The following ZNF791 variants were observed in gnomAD, a reference collection of about 807,000 sequenced individuals.
The protein encoded by ZNF791 is zinc finger protein 791.
Under a neutral mutation model 11.5 loss-of-function variants are expected in ZNF791, and 4 were observed. That is an observed-to-expected ratio of 0.35 (90% CI 0.17 to 0.80). The LOEUF is 0.80. ZNF791 is among the 30% of genes least tolerant of loss of function. ZNF791 has a pLI of 0.53. For missense variants in ZNF791, 559 were observed against 699.4 expected (o/e 0.80, Z 2.26); for synonymous variants, 212 against 228.1 (o/e 0.93, Z 0.64).
At chr19:12,622,381 A>T (rs1350461822) in intron 1 of ZNF791, among the ~76,000 whole-genome samples, 2 of 127,910 alleles carry the variant, frequency 1.6e-5, no homozygotes, top group East Asian at 2.0e-4. Flanking sequence ...TAATAAATAA[A>T]AAAAATAATA....
In ZNF791 at chr19:12,633,221, T is replaced by G. The variant is rs1387432323; in HGVS notation, c.*3961T>G. ...CATATATTCTTATGCGAATTATTAT[T>G]TTCGCCTTTTTTTTATAATTCTGTC... On this transcript the variant is annotated 3_prime_UTR_variant, in exon 4 of 4. Coordinates refer to ENST00000343325, the MANE Select transcript of ZNF791 (RefSeq NM_153358.3). The G allele has an allele frequency of 6.6e-6, 1 of 151,730 alleles. No homozygotes were observed. Among genetic ancestry groups the G allele is most frequent in the African/African-American group, 2.4e-5 (1 of 41,392 alleles). The allele number at this position is 151,730 out of a possible 1,614,324, so 9.4% of individuals were successfully genotyped here. A position where few individuals can be genotyped will look rare whatever the true frequency, so the allele number is the denominator to read the frequency against.
At position 12,629,863 on chromosome 19, in the gene ZNF791, A is replaced by C. The variant is rs1453035699; in HGVS notation, c.*603A>C. On this transcript the variant is annotated 3_prime_UTR_variant, in exon 4 of 4. Coordinates refer to ENST00000343325, the MANE Select transcript of ZNF791 (RefSeq NM_153358.3). ...GGCCAACAGAGCGAGACTCTGTCTCAAAAAAAAAAAAAAAAAAAAAGTACA... is the reference window on the plus strand; with the variant it reads ...GGCCAACAGAGCGAGACTCTGTCTCCAAAAAAAAAAAAAAAAAAAAGTACA... 8.2e-6 allele frequency: 1 copy of C among 122,662 alleles called. No homozygotes were observed. Among genetic ancestry groups the C allele is most frequent in the African/African-American group, 3.3e-5 (1 of 30,162 alleles). The allele number at this position is 122,662 out of a possible 1,614,324, so 7.6% of individuals were successfully genotyped here.
At chr19:12,613,553 C>T (rs1463956317) in intron 1 of ZNF791, among the ~76,000 whole-genome samples, 1 of 151,914 alleles carries the variant, frequency 6.6e-6, no homozygotes, top group East Asian at 1.9e-4. Flanking sequence ...TGCACTCCAG[C>T]GTGGGTGACA....
chr19:12,628,828 C>G lies in ZNF791; in HGVS notation c.1299C>G (p.Thr433=). 1 of 1,613,708 alleles carries G rather than the reference C, an allele frequency of 6.2e-7. No individual in the cohort carries two copies. Among genetic ancestry groups the G allele is most frequent in the Non-Finnish European group, 8.5e-7 (1 of 1,179,934 alleles). Residue 433 remains threonine, a synonymous_variant, in exon 4 of 4, where the codon ACC becomes ACG. Coordinates refer to ENST00000343325, the MANE Select transcript of ZNF791 (RefSeq NM_153358.3). ...AGAACTTTCGAAGACACATGATCAC[C>G]CACACTGGAGACGGACCTTATAAAT... The part of the protein sequence containing the change: ...SLENFRRHMI[T]HTGDGPYKCR...
Position 12,615,012 on chromosome 19 carries a change from C to CTTTTT in ZNF791, c.3+3951_3+3955dup, listed in dbSNP as rs1180146927. Among the ~76,000 whole-genome samples the CTTTTT allele has an allele frequency of 1.3e-3, 67 of 49,882 alleles. 10 individuals are homozygous for CTTTTT. The highest frequency in any genetic ancestry group is 4.3e-3 in the African/African-American group (45 of 10,560). 32.7% of individuals were successfully genotyped at this position (49,882 alleles called of 152,430 possible). A position where few individuals can be genotyped will look rare whatever the true frequency, so the allele number is the denominator to read the frequency against. ...TCCCACCTTAGTCTCCTATGTTCAA[C>CTTTTT]TTTTTTTTTTTTTTTTTTTTTTTTT... On this transcript the variant is annotated intron_variant, in intron 1 of 3. Coordinates refer to ENST00000343325, the MANE Select transcript of ZNF791 (RefSeq NM_153358.3).
intron 1 of ZNF791, chr19:12,612,202 T>G: frequency 6.0e-6 from 5 of 840,258 alleles, no homozygotes; most frequent in Non-Finnish European, 7.2e-6. Flanking sequence ...GACATTATTA[T>G]TTTCTTTTTT....
chr19:12,617,539 A>C lies in ZNF791; in HGVS notation c.4-6161A>C, dbSNP rs2023263194. On this transcript the variant is annotated intron_variant, in intron 1 of 3. Transcript: ENST00000343325. Reference sequence around the variant, plus strand: ...TTCTGTTACTGATTTCTAGATTAATACCATGGTGGTCTGAGAGCATATTTT... The same window carrying C: ...TTCTGTTACTGATTTCTAGATTAATCCCATGGTGGTCTGAGAGCATATTTT... Among the ~76,000 whole-genome samples, 3 of 152,060 alleles carry C rather than the reference A, an allele frequency of 2.0e-5. No homozygotes were observed. In the South Asian group the frequency reaches 6.2e-4, roughly 32 times the overall value.
intron 3 of ZNF791, among the ~76,000 whole-genome samples, chr19:12,627,172 C>G (rs2023442162): frequency 6.7e-6 from 1 of 149,984 alleles, no homozygotes; most frequent in South Asian, 2.1e-4. Context: ...CAGAGTGAGA[C>G]TCTGTCTCAA....
intron 1 of ZNF791, among the ~76,000 whole-genome samples, chr19:12,620,792 G>A (rs1040144455): frequency 8.9e-6 from 1 of 112,256 alleles, no homozygotes; most frequent in Admixed American, 1.2e-4. Context: ...ATAGAGTCTC[G>A]CTCTGTTGCC....
chr19:12,614,004 T>TC (rs2145177581), intron 1 of ZNF791, among the ~76,000 whole-genome samples: 1 of 152,312 alleles, frequency 6.6e-6, no homozygotes, highest in African/African-American at 2.4e-5. Context: ...GGTCAGGACT[T>TC]ATGTTTCCTA....
At chr19:12,614,899 T>TTTTTG (rs2023220095) in intron 1 of ZNF791, among the ~76,000 whole-genome samples, 1 of 111,532 alleles carries the variant, frequency 9.0e-6, no homozygotes, top group Non-Finnish European at 1.7e-5. Flanking sequence ...GGCCTTTTTT[T>TTTTTG]TTTTTTTTTT....
chr19:12,616,077 T>C (rs1366727016), intron 1 of ZNF791, among the ~76,000 whole-genome samples: 1 of 152,230 alleles, frequency 6.6e-6, no homozygotes, highest in African/African-American at 2.4e-5. Context: ...TGTCTACATC[T>C]TTGCTATCCA....
intron 2 of ZNF791, among the ~76,000 whole-genome samples, chr19:12,624,278 G>A (rs943531508): frequency 6.0e-5 from 9 of 150,056 alleles, no homozygotes; most frequent in African/African-American, 2.0e-4. Flanking sequence ...TCAGCCTCCC[G>A]AGTAGCTGGG....
intron 3 of ZNF791, among the ~76,000 whole-genome samples, chr19:12,625,447 CA>C (rs921668997): frequency 1.3e-5 from 2 of 151,720 alleles, no homozygotes; most frequent in Non-Finnish European, 2.9e-5. Context: ...AAATGTTTAC[CA>C]AAAATGTTTT....
intron 1 of ZNF791, among the ~76,000 whole-genome samples, chr19:12,612,939 G>A (rs1217079579): frequency 2.6e-5 from 4 of 151,854 alleles, no homozygotes; most frequent in Non-Finnish European, 2.9e-5. Flanking sequence ...TGCTGTTAGG[G>A]GAAGAGGGGA....
intron 1 of ZNF791, among the ~76,000 whole-genome samples, chr19:12,615,727 C>T (rs949358665): frequency 2.7e-5 from 4 of 146,446 alleles, no homozygotes; most frequent in Admixed American, 7.1e-5. Flanking sequence ...TGCAGTGAGC[C>T]GAGATAGTGC....
At chr19:12,620,754 C>CTT (rs1051381342) in intron 1 of ZNF791, among the ~76,000 whole-genome samples, 41,017 of 83,232 alleles carry the variant, frequency 0.49, 12,190 homozygotes, top group Non-Finnish European at 0.62. Context: ...GATTTATGTT[C>CTT]TTTTTTTTTT....
At chr19:12,627,189 AC>A (rs201131854) in intron 3 of ZNF791, among the ~76,000 whole-genome samples, 5 of 148,860 alleles carry the variant, frequency 3.4e-5, no homozygotes, top group African/African-American at 7.3e-5. Context: ...TCAAAATGAA[AC>A]CAAAAAAAAA....
At chr19:12,624,629 T>G in intron 2 of ZNF791, 21 bp from the exon 3 acceptor site, 1 of 1,567,582 alleles carries the variant, frequency 6.4e-7, no homozygotes, top group Non-Finnish European at 8.7e-7. Flanking sequence ...TTATCATGAT[T>G]ATTCTTGATC....
Sources: gnomAD v4.1 joint callset for allele counts (sites outside exome capture counted in the v4.1 genomes callset) on GRCh38, gnomAD v4.1.1 for gene constraint, MANE v1.5 for transcripts, NCBI Gene and HGNC (gene_info 2026-07-23, HGNC 2026-07-21) for gene names.